The following GALNT17 variants were observed in gnomAD, a reference collection of about 807,000 sequenced individuals.
The protein encoded by GALNT17 is polypeptide N-acetylgalactosaminyltransferase 17.
A neutral mutation model predicts 63.7 loss-of-function variants in GALNT17; 29 were observed. The ratio of observed to expected loss-of-function variants is 0.46; its 90% CI spans 0.34 to 0.62. The LOEUF (loss-of-function observed/expected upper bound fraction) is 0.62, where lower values mean the gene tolerates loss of function less well. Ranked by LOEUF, GALNT17 falls within the 20% of genes least tolerant of loss-of-function variation. The pLI, the probability that GALNT17 is intolerant of heterozygous loss-of-function variation, is 0.01. For missense variants in GALNT17, 603 were observed against 799.6 expected (o/e 0.75, Z 2.97); for synonymous variants, 305 against 318.3 (o/e 0.96, Z 0.45).
At chr7:71,344,986 G>A (rs866117918) in intron 2 of GALNT17, among the ~76,000 whole-genome samples, 19 of 151,202 alleles carry the variant, frequency 1.3e-4, no homozygotes, top group Non-Finnish European at 2.2e-4. Flanking sequence ...CTTGTCCGGC[G>A]TTTCCCAAAG....
At chr7:71,349,127 T>A (rs1280108031) in intron 2 of GALNT17, among the ~76,000 whole-genome samples, 1 of 152,360 alleles carries the variant, frequency 6.6e-6, no homozygotes, top group East Asian at 1.9e-4. Flanking sequence ...GCAAATGCCT[T>A]TGCAATCACA....
rs533729714 is a variant in GALNT17 at position 71,154,341 on chromosome 7, C to G, written c.238+21301C>G. ...AGCCTCACTCCATCTTTCCAGCCTC[C>G]CCAGCTGATACCAAGTTGGGCAGAG... On this transcript the variant is annotated intron_variant, in intron 1 of 10. Transcript: ENST00000333538. Among the ~76,000 whole-genome samples, 4 of 152,290 alleles carry G rather than the reference C, an allele frequency of 2.6e-5. No homozygotes were observed. The East Asian group carries it at 7.7e-4, about 29-fold the overall frequency.
At chr7:71,137,139 C>CTT (rs398005145) in intron 1 of GALNT17, among the ~76,000 whole-genome samples, 40,230 of 117,138 alleles carry the variant, frequency 0.34, 7,869 homozygotes, top group Non-Finnish European at 0.39. Flanking sequence ...ATATTTTTGA[C>CTT]TTTTTTTTTT....
intron 5 of GALNT17, among the ~76,000 whole-genome samples, chr7:71,437,687 G>GTT (rs1423768511): frequency 2.0e-5 from 3 of 152,114 alleles, no homozygotes; most frequent in Non-Finnish European, 2.9e-5. Flanking sequence ...TCTGGAGCCT[G>GTT]TTTCAGTTTT....
intron 5 of GALNT17, among the ~76,000 whole-genome samples, chr7:71,455,072 A>C (rs754036182): frequency 6.6e-6 from 1 of 151,842 alleles, no homozygotes; most frequent in Admixed American, 6.6e-5. Context: ...GGAGGCTGAG[A>C]TGGGCCCATT....
chr7:71,208,359 T>A (rs1321943041), intron 1 of GALNT17, among the ~76,000 whole-genome samples: 1 of 151,924 alleles, frequency 6.6e-6, no homozygotes, highest in Non-Finnish European at 1.5e-5. Context: ...ACCAAAAGTC[T>A]CAGCCAGACC....
intron 1 of GALNT17, among the ~76,000 whole-genome samples, chr7:71,302,762 C>T (rs1277706890): frequency 1.3e-5 from 2 of 152,136 alleles, no homozygotes; most frequent in South Asian, 2.1e-4. Flanking sequence ...TGAACTTCCC[C>T]CTTTCAACAT....
Position 71,224,586 on chromosome 7 carries a change from G to A in GALNT17, c.238+91546G>A, listed in dbSNP as rs117369761. ...TAGGTGTAAACCACGTGGTATATCC[G>A]TCCTGGTCAAAGCCAGCAAACCACG... On this transcript the variant is annotated intron_variant, in intron 1 of 10. Transcript: ENST00000333538. Among the ~76,000 whole-genome samples, 1,505 of 152,220 alleles carry A rather than the reference G, an allele frequency of 9.9e-3. 11 individuals carry two copies. The highest frequency in any genetic ancestry group is 0.02 in the Middle Eastern group (6 of 294).
At chr7:71,357,291 G>A (rs1457697172) in intron 2 of GALNT17, among the ~76,000 whole-genome samples, 1 of 152,124 alleles carries the variant, frequency 6.6e-6, no homozygotes, top group Non-Finnish European at 1.5e-5. Context: ...CCAGATCAGC[G>A]GCAGCATTAG....
intron 2 of GALNT17, among the ~76,000 whole-genome samples, chr7:71,351,176 A>T (rs1033771290): frequency 2.0e-5 from 3 of 152,108 alleles, no homozygotes; most frequent in Non-Finnish European, 4.4e-5. Flanking sequence ...AACATAAGTA[A>T]ATAAAGCCTC....
Position 71,495,689 on chromosome 7 carries a change from G to A in GALNT17, c.962+74584G>A, listed in dbSNP as rs924381323. On this transcript the variant is annotated intron_variant, in intron 5 of 10. Transcript: ENST00000333538. ...ATACCTTGGCTCATTCCCAGTAACT[G>A]GAGGATGCTTGATGGTCACATGTAG... Among the ~76,000 whole-genome samples the A allele has an allele frequency of 7.9e-5, 12 of 152,270 alleles. No individual in the cohort carries two copies. In the South Asian group the frequency reaches 2.3e-3, roughly 29 times the overall value.
intron 6 of GALNT17, among the ~76,000 whole-genome samples, chr7:71,596,921 T>C (rs1399051983): frequency 6.6e-6 from 1 of 151,960 alleles, no homozygotes; most frequent in African/African-American, 2.4e-5. Context: ...GGCACAGTGG[T>C]TCACACCTCT....
At chr7:71,138,631 T>TA (rs1192868903) in intron 1 of GALNT17, among the ~76,000 whole-genome samples, 2 of 152,196 alleles carry the variant, frequency 1.3e-5, no homozygotes, top group Admixed American at 6.6e-5. Context: ...AATACCATGT[T>TA]AAAAAAATTT....
chr7:71,417,196 C>A (rs1786551513), intron 4 of GALNT17, among the ~76,000 whole-genome samples: 1 of 152,138 alleles, frequency 6.6e-6, no homozygotes, highest in Non-Finnish European at 1.5e-5. Flanking sequence ...TTTGAAGAAC[C>A]AATATCCCAT....
chr7:71,295,694 G>GCAAGCCTCAAATTC (rs1791066414), intron 1 of GALNT17, among the ~76,000 whole-genome samples: 1 of 151,748 alleles, frequency 6.6e-6, no homozygotes, highest in Non-Finnish European at 1.5e-5. Context: ...AAATTCCTGG[G>GCAAGCCTCAAATTC]CTTAAGCAAT....
intron 5 of GALNT17, among the ~76,000 whole-genome samples, chr7:71,482,081 A>ATGTGTGTGTG (rs10678512): frequency 0.012 from 1,682 of 138,172 alleles, 13 homozygotes; most frequent in African/African-American, 0.017. Flanking sequence ...ATATATGTAT[A>ATGTGTGTGTG]TGTGTGTGTG....
chr7:71,614,734 AAG>A (rs769340202), intron 6 of GALNT17, among the ~76,000 whole-genome samples: 2 of 151,550 alleles, frequency 1.3e-5, no homozygotes, highest in South Asian at 2.1e-4. Flanking sequence ...CAGAAAGAAA[AAG>A]AAGTGGAGAG....
intron 6 of GALNT17, among the ~76,000 whole-genome samples, chr7:71,644,915 C>A (rs1371449424): frequency 6.6e-6 from 1 of 152,248 alleles, no homozygotes; most frequent in South Asian, 2.1e-4. Context: ...TGGCAGGTAG[C>A]CTTCCTGGTG....
At chr7:71,182,758 C>CT (rs1788757111) in intron 1 of GALNT17, among the ~76,000 whole-genome samples, 3 of 152,006 alleles carry the variant, frequency 2.0e-5, no homozygotes, top group Admixed American at 2.0e-4. Context: ...AGCTGACAGA[C>CT]TGGGGAGGAC....
Sources: gnomAD v4.1 joint callset for allele counts (sites outside exome capture counted in the v4.1 genomes callset) on GRCh38, gnomAD v4.1.1 for gene constraint, MANE v1.5 for transcripts, NCBI Gene and HGNC (gene_info 2026-07-23, HGNC 2026-07-21) for gene names.